ACER1: variants seen among roughly 807,000 people sequenced by gnomAD.
ACER1 encodes the protein CTB-180A7.3.
ACER1 carries 28 observed loss-of-function variants against 24.9 expected under a neutral mutation model. The ratio of observed to expected loss-of-function variants is 1.13; its 90% CI spans 0.83 to 1.54. ACER1 has a LOEUF of 1.54. Ranked by LOEUF, ACER1 falls within the 40% of genes most tolerant of loss-of-function variation. ACER1 has a pLI of 0.00. For synonymous variants in ACER1, 132 were observed against 131.4 expected, an observed-to-expected ratio of 1.00 and a Z score of -0.03; for missense variants, 352 against 349.3, an observed-to-expected ratio of 1.01 and a Z score of -0.06.
the ACER1 span, among the ~76,000 whole-genome samples, chr19:6,357,042 CTTTTTTTTT>C: frequency 1.6e-5 from 2 of 124,514 alleles, no homozygotes; most frequent in Non-Finnish European, 3.3e-5. Context: ...TGAGCTGAGA[CTTTTTTTTT>C]TTTTTTTTTT....
intron 3 of ACER1, among the ~76,000 whole-genome samples, chr19:6,311,646 A>AAGGAGAAGAAGGAGGAGAAGGAGG (rs2091582161): frequency 6.7e-6 from 1 of 148,238 alleles, no homozygotes; most frequent in South Asian, 2.2e-4. Flanking sequence ...GAAGAAGAAG[A>AAGGAGAAGAAGGAGGAGAAGGAGG]AGGAGAAGGA....
At chr19:6,352,709 G>A in the ACER1 span, among the ~76,000 whole-genome samples, 6 of 152,220 alleles carry the variant, frequency 3.9e-5, no homozygotes, top group Non-Finnish European at 8.8e-5. Context: ...AGTGGGTTCT[G>A]TGAATTTGAA....
chr19:6,323,231 T>C (rs34204800), intron 1 of ACER1, among the ~76,000 whole-genome samples: 236 of 151,944 alleles, frequency 1.6e-3, no homozygotes, highest in Middle Eastern at 3.4e-3. Context: ...CCATCATGGC[T>C]AACACAGTGA....
chr19:6,357,446 G>C, the ACER1 span, among the ~76,000 whole-genome samples: 2 of 151,382 alleles, frequency 1.3e-5, no homozygotes, highest in African/African-American at 4.9e-5. Context: ...GATAAGGGGG[G>C]TCAGCAGGGG....
At chr19:6,331,749 G>A (rs1427855970) in intron 1 of ACER1, among the ~76,000 whole-genome samples, 1 of 151,620 alleles carries the variant, frequency 6.6e-6, no homozygotes, top group Non-Finnish European at 1.5e-5. Flanking sequence ...AGCCGAGATC[G>A]CGCCATTACA....
the ACER1 span, among the ~76,000 whole-genome samples, chr19:6,340,871 A>G: frequency 9.2e-5 from 14 of 152,194 alleles, no homozygotes; most frequent in African/African-American, 3.4e-4. Context: ...GGTTATTGTA[A>G]CAAATGCCAC....
chr19:6,309,285 G>A (rs2091565862), intron 4 of ACER1, among the ~76,000 whole-genome samples: 3 of 152,156 alleles, frequency 2.0e-5, no homozygotes, highest in Admixed American at 1.3e-4. Flanking sequence ...TTGGGAGGCT[G>A]AGGTGGGTGG....
At chr19:6,356,505 C>T in the ACER1 span, among the ~76,000 whole-genome samples, 43 of 152,032 alleles carry the variant, frequency 2.8e-4, no homozygotes, top group Non-Finnish European at 4.7e-4. Context: ...AATAAATAGA[C>T]TGGACACCCT....
chr19:6,354,303 TA>T, the ACER1 span, among the ~76,000 whole-genome samples: 3 of 149,924 alleles, frequency 2.0e-5, no homozygotes, highest in East Asian at 2.0e-4. Context: ...TTTTTACTGT[TA>T]GGGGGGCATT....
At chr19:6,326,854 G>A (rs1024504868) in intron 1 of ACER1, among the ~76,000 whole-genome samples, 22 of 148,410 alleles carry the variant, frequency 1.5e-4, no homozygotes. Context: ...CCAAGCATGC[G>A]AACCGTTACG....
At chr19:6,355,839 A>G in the ACER1 span, among the ~76,000 whole-genome samples, 1 of 138,948 alleles carries the variant, frequency 7.2e-6, no homozygotes, top group Non-Finnish European at 1.5e-5. Context: ...TCCATCCGGG[A>G]GGGAGGTGGG....
chr19:6,343,279 G>C, the ACER1 span, among the ~76,000 whole-genome samples: 1 of 152,176 alleles, frequency 6.6e-6, no homozygotes, highest in Non-Finnish European at 1.5e-5. Flanking sequence ...CATAAGCAAA[G>C]AGTATGGAGG....
chr19:6,335,930 C>T (rs1382040239), upstream of ACER1, among the ~76,000 whole-genome samples: 1 of 133,878 alleles, frequency 7.5e-6, no homozygotes, highest in African/African-American at 3.0e-5. Context: ...AATAGAGTTT[C>T]ACTCTTGTCA....
intron 5 of ACER1, 54 bp downstream of exon 5, chr19:6,307,099 G>C: frequency 6.2e-7 from 1 of 1,604,226 alleles, no homozygotes; most frequent in South Asian, 1.1e-5. Context: ...CCGAGCTTTG[G>C]CATCTAAGAT....
At chr19:6,355,468 T>A in the ACER1 span, among the ~76,000 whole-genome samples, 1 of 145,978 alleles carries the variant, frequency 6.9e-6, no homozygotes, top group South Asian at 2.2e-4. Flanking sequence ...ACCCTCCGCC[T>A]GGCAACCGCC....
chr19:6,314,872 T>TTTTATTTATTTATTTATTTA (rs141253604), intron 1 of ACER1, among the ~76,000 whole-genome samples: 1 of 150,106 alleles, frequency 6.7e-6, no homozygotes, highest in African/African-American at 2.5e-5. Context: ...CACAATGGAA[T>TTTTATTTATTTATTTATTTA]TTTATTTATT....
chr19:6,312,832 C>T (rs1007286761), intron 1 of ACER1, among the ~76,000 whole-genome samples: 6 of 151,942 alleles, frequency 3.9e-5, no homozygotes, highest in African/African-American at 7.3e-5. Context: ...CGTGCCACCA[C>T]GCCCAGCTAA....
At chr19:6,310,368 T>C (rs963950732) in intron 3 of ACER1, among the ~76,000 whole-genome samples, 1 of 152,080 alleles carries the variant, frequency 6.6e-6, no homozygotes, top group Non-Finnish European at 1.5e-5. Flanking sequence ...ATTACCGGCA[T>C]GAGTCACTGC....
chr19:6,318,918 C>G (rs2091616998), intron 1 of ACER1, among the ~76,000 whole-genome samples: 1 of 150,904 alleles, frequency 6.6e-6, no homozygotes, highest in Non-Finnish European at 1.5e-5. Flanking sequence ...GAGGGTGCTC[C>G]CCTGCTGCCT....
Sources: gnomAD v4.1 joint callset for allele counts (sites outside exome capture counted in the v4.1 genomes callset) on GRCh38, gnomAD v4.1.1 for gene constraint, MANE v1.5 for transcripts, NCBI Gene and HGNC (gene_info 2026-07-23, HGNC 2026-07-21) for gene names.